Variants in FER1L6 observed in about 807,000 individuals in gnomAD.
FER1L6 encodes fer-1-like protein 6.
In FER1L6, 177 loss-of-function variants were observed where a neutral mutation model predicts 219.2. The observed-to-expected ratio is 0.81, with a 90% CI of 0.71 to 0.91. The LOEUF is 0.91. FER1L6 is among the 40% of genes least tolerant of loss of function. The probability of loss-of-function intolerance (pLI) is 0.00; values close to 1 mark genes in which losing one functional copy is unlikely to be tolerated. For synonymous variants in FER1L6, 768 were observed against 824.3 expected, an observed-to-expected ratio of 0.93 and a Z score of 1.17; for missense variants, 2,153 against 2,259.9, an observed-to-expected ratio of 0.95 and a Z score of 0.96.
intron 1 of FER1L6, chr8:123,939,025 A>G: frequency 2.8e-6 from 1 of 359,798 alleles, no homozygotes; most frequent in Non-Finnish European, 3.9e-6. Flanking sequence ...CAGCAATTGC[A>G]TTGCACATTC....
intron 9 of FER1L6, 105 bp from the exon 10 acceptor site, chr8:123,977,312 T>C (rs1816123631): frequency 8.6e-7 from 1 of 1,168,654 alleles, no homozygotes; most frequent in Non-Finnish European, 1.2e-6. Context: ...CAGAAGCAGG[T>C]TCATTATCTT....
At chr8:124,092,735 C>T (rs1822090834) in intron 34 of FER1L6, among the ~76,000 whole-genome samples, 2 of 152,174 alleles carry the variant, frequency 1.3e-5, no homozygotes, top group Admixed American at 6.5e-5. Flanking sequence ...GTAGCATCCG[C>T]TTGGCTTCTG....
chr8:123,859,548 C>CT (rs540137748), intron 1 of FER1L6, among the ~76,000 whole-genome samples: 16,020 of 134,072 alleles, frequency 0.12, 994 homozygotes, highest in Middle Eastern at 0.17. Flanking sequence ...TGCTCTGTTT[C>CT]TTTTTTTTTT....
chr8:123,933,579 T>A (rs1370299105), intron 1 of FER1L6, among the ~76,000 whole-genome samples: 1 of 152,190 alleles, frequency 6.6e-6, no homozygotes, highest in Non-Finnish European at 1.5e-5. Flanking sequence ...CTGAGTGTGT[T>A]GGTGATGAAA....
chr8:123,865,436 TTGTC>T (rs922749024), intron 1 of FER1L6, among the ~76,000 whole-genome samples: 3 of 150,896 alleles, frequency 2.0e-5, no homozygotes, highest in Admixed American at 2.0e-4. Flanking sequence ...GTCTTTTTGT[TTGTC>T]TGTGCCCTGC....
intron 30 of FER1L6, among the ~76,000 whole-genome samples, chr8:124,071,285 G>C (rs931403518): frequency 6.6e-6 from 1 of 152,112 alleles, no homozygotes; most frequent in Non-Finnish European, 1.5e-5. Flanking sequence ...CCTGTGAGGG[G>C]GTTGTTAATG....
At chr8:123,986,243 A>T in intron 12 of FER1L6, 67 bp downstream of exon 12, 2 of 957,212 alleles carry the variant, frequency 2.1e-6, no homozygotes, top group East Asian at 4.9e-5. Context: ...TGAATAAATG[A>T]GTTAGTGCCT....
chr8:124,004,705 T>C (rs947454836), intron 13 of FER1L6, among the ~76,000 whole-genome samples: 16 of 151,962 alleles, frequency 1.1e-4, no homozygotes, highest in Non-Finnish European at 1.3e-4. Context: ...GACAAGAAAA[T>C]TGTCAACTGT....
At chr8:124,041,859 T>C (rs1191398021) in intron 20 of FER1L6, among the ~76,000 whole-genome samples, 3 of 152,250 alleles carry the variant, frequency 2.0e-5, no homozygotes, top group Non-Finnish European at 2.9e-5. Context: ...ATCCACGCTC[T>C]TCCATTTATC....
At chr8:123,896,916 G>A (rs1222925610) in intron 1 of FER1L6, among the ~76,000 whole-genome samples, 2 of 152,082 alleles carry the variant, frequency 1.3e-5, no homozygotes, top group Non-Finnish European at 2.9e-5. Flanking sequence ...TTAACTCGCC[G>A]AAGCCCATCT....
chr8:123,946,664 G>C (rs1368809473), intron 1 of FER1L6, among the ~76,000 whole-genome samples: 3 of 152,136 alleles, frequency 2.0e-5, no homozygotes, highest in Non-Finnish European at 4.4e-5. Flanking sequence ...CCTCAGGTAC[G>C]AGAGGAGGAG....
At chr8:123,947,395 G>A (rs1156630556) in intron 1 of FER1L6, among the ~76,000 whole-genome samples, 2 of 152,198 alleles carry the variant, frequency 1.3e-5, no homozygotes, top group African/African-American at 4.8e-5. Flanking sequence ...TCAGGCCCCA[G>A]AGTGAACAAT....
At chr8:123,874,545 A>G (rs536009490) in intron 1 of FER1L6, among the ~76,000 whole-genome samples, 2 of 152,238 alleles carry the variant, frequency 1.3e-5, no homozygotes, top group Non-Finnish European at 2.9e-5. Flanking sequence ...GAGCTTTCAC[A>G]TGCTTCAACT....
chr8:123,858,707 C>T (rs979674993), intron 1 of FER1L6, among the ~76,000 whole-genome samples: 1 of 152,312 alleles, frequency 6.6e-6, no homozygotes, highest in Admixed American at 6.5e-5. Flanking sequence ...AAACATGACT[C>T]ACTAGACGAC....
intron 12 of FER1L6, 101 bp from the exon 13 acceptor site, chr8:124,003,066 C>A (rs1817488698): frequency 2.1e-6 from 2 of 952,510 alleles, no homozygotes; most frequent in Non-Finnish European, 3.3e-6. Context: ...GGGAGCTTAC[C>A]TTATTGCTGT....
At chr8:123,864,817 G>T (rs1816804913) in intron 1 of FER1L6, among the ~76,000 whole-genome samples, 2 of 150,486 alleles carry the variant, frequency 1.3e-5, no homozygotes, top group African/African-American at 2.5e-5. Context: ...CTCAAGCCTT[G>T]GTTTTCAGCT....
intron 1 of FER1L6, among the ~76,000 whole-genome samples, chr8:123,861,441 C>A (rs201505904): frequency 6.9e-6 from 1 of 145,300 alleles, no homozygotes; most frequent in Non-Finnish European, 1.5e-5. Context: ...GTTCTTTTGG[C>A]TTAGGATTGA....
chr8:124,010,543 C>G (rs755222985), intron 13 of FER1L6, 51 bp from the exon 14 acceptor site: 2 of 1,603,164 alleles, frequency 1.2e-6, no homozygotes, highest in Non-Finnish European at 1.7e-6. Context: ...ACTGGGGTTG[C>G]CTGGAAAACA....
intron 25 of FER1L6, among the ~76,000 whole-genome samples, chr8:124,063,269 C>G (rs1449096697): frequency 6.6e-6 from 1 of 152,096 alleles, no homozygotes; most frequent in Non-Finnish European, 1.5e-5. Context: ...TCTATAATTC[C>G]TATCTATGAG....
Sources: allele counts gnomAD v4.1 joint callset (sites outside exome capture counted in the v4.1 genomes callset), GRCh38; gene constraint gnomAD v4.1.1; transcripts MANE v1.5; gene names NCBI Gene and HGNC (gene_info 2026-07-23, HGNC 2026-07-21).